The following CEP192 variants were observed in gnomAD, a reference collection of about 807,000 sequenced individuals.
CEP192 encodes the protein centrosomal protein 192.
Under a neutral mutation model 271.8 loss-of-function variants are expected in CEP192, and 151 were observed. The ratio of observed to expected loss-of-function variants is 0.56; its 90% confidence interval spans 0.49 to 0.64. The LOEUF is 0.64. Ranked by LOEUF, CEP192 falls within the 30% of genes least tolerant of loss-of-function variation. CEP192 has a pLI of 0.00. For missense variants in CEP192, 2,910 were observed against 3,020.5 expected, an observed-to-expected ratio of 0.96 and a Z score of 0.86; for synonymous variants, 995 against 1,076.5, an observed-to-expected ratio of 0.92 and a Z score of 1.48.
At chr18:13,063,268 A>G (rs1376898312) in intron 21 of CEP192, among the ~76,000 whole-genome samples, 4 of 152,138 alleles carry the variant, frequency 2.6e-5, no homozygotes, top group Non-Finnish European at 5.9e-5. Flanking sequence ...TAGCTCAATT[A>G]TTAGTTTTTT....
At chr18:13,022,492 C>G (rs2035049156) in intron 9 of CEP192, among the ~76,000 whole-genome samples, 1 of 152,062 alleles carries the variant, frequency 6.6e-6, no homozygotes, top group Non-Finnish European at 1.5e-5. Context: ...GCGATCCTCT[C>G]TCCTCAGCCT....
intron 15 of CEP192, among the ~76,000 whole-genome samples, 170 bp downstream of exon 15, chr18:13,042,504 A>T (rs2143833759): frequency 6.6e-6 from 1 of 152,260 alleles, no homozygotes; most frequent in African/African-American, 2.4e-5. Flanking sequence ...TTTTGTGGCG[A>T]TATAATATAC....
In CEP192 at chr18:13,059,294, C is replaced by T. The variant is rs138416749; in HGVS notation, c.4470C>T (p.Ala1490=). Reference sequence around the variant, plus strand: ...GCACCGTCACTCTCACTGCCATTGCCGAGAGTCCTGTTATTGAGGTACCTG... The same window carrying T: ...GCACCGTCACTCTCACTGCCATTGCTGAGAGTCCTGTTATTGAGGTACCTG... The part of the protein sequence containing the change: ...LASTVTLTAI[A]ESPVIEVETE... The change falls in exon 21 of 45, where the codon GCC becomes GCT. Residue 1490 remains alanine (A), a synonymous_variant. Coordinates refer to ENST00000506447, the MANE Select transcript of CEP192 (RefSeq NM_032142.4). 12 of 1,613,236 alleles carry T rather than the reference C, an allele frequency of 7.4e-6. No individual in the cohort carries two copies. The highest frequency in any genetic ancestry group is 4.0e-5 in the African/African-American group (3 of 75,008).
At chr18:13,072,645 A>G (rs561958920) in intron 28 of CEP192, 110 bp from the exon 29 acceptor site, 27 of 723,320 alleles carry the variant, frequency 3.7e-5, no homozygotes, top group Admixed American at 3.1e-4. Context: ...AATGGCTTGT[A>G]TAGTTAGTCC....
At chr18:13,098,603 C>T (rs1330568806) in intron 36 of CEP192, among the ~76,000 whole-genome samples, 1 of 151,770 alleles carries the variant, frequency 6.6e-6, no homozygotes, top group East Asian at 1.9e-4. Context: ...AGAGATGCTC[C>T]TCACTTCCTA....
chr18:13,062,774 A>G (rs1054548867), intron 21 of CEP192, among the ~76,000 whole-genome samples: 9 of 152,144 alleles, frequency 5.9e-5, no homozygotes, highest in African/African-American at 1.2e-4. Flanking sequence ...AAAATGCACA[A>G]TTATTATTGG....
At chr18:13,085,472 G>A (rs183316019) in intron 30 of CEP192, among the ~76,000 whole-genome samples, 182 of 152,270 alleles carry the variant, frequency 1.2e-3, no homozygotes, top group African/African-American at 4.3e-3. Context: ...CTTTGCCCAT[G>A]TCTGTGTCCT....
chr18:13,055,691 CTT>C (rs939382697), intron 18 of CEP192, 87 bp from the exon 19 acceptor site: 6 of 932,944 alleles, frequency 6.4e-6, no homozygotes, highest in Admixed American at 5.5e-5. Context: ...ATGCACATCT[CTT>C]TGTTACTTGA....
intron 30 of CEP192, among the ~76,000 whole-genome samples, chr18:13,081,129 G>GT (rs1312156322): frequency 6.6e-6 from 1 of 152,134 alleles, no homozygotes; most frequent in Non-Finnish European, 1.5e-5. Context: ...CCAGGCTTTG[G>GT]TATCAGGATG....
Position 13,049,510 on chromosome 18 carries a change from T to C in CEP192, c.2719T>C (p.Tyr907His). 6.2e-7 allele frequency: 1 copy of C among 1,614,114 alleles called. No homozygotes were observed. The highest frequency in any genetic ancestry group is 8.5e-7 in the Non-Finnish European group (1 of 1,180,016). Residue 907 changes from tyrosine to histidine, a missense_variant, in exon 16 of 45, where the codon TAT (tyrosine) becomes CAT (histidine). By Grantham distance (83) the Tyr-to-His change is moderately conservative. Transcript: ENST00000506447. ...CTCAATTTCCACTCCATCTGATAGTTATTCATCAGTGAGGAACCCCAGAAT... is the reference window on the plus strand; with the variant it reads ...CTCAATTTCCACTCCATCTGATAGTCATTCATCAGTGAGGAACCCCAGAAT... Reference protein sequence around the residue: ...ATSISTPSDSYSSVRNPRITS... With the variant: ...ATSISTPSDSHSSVRNPRITS...
At position 13,068,297 on chromosome 18, in the gene CEP192, C is replaced by T. The variant is rs1368113116; in HGVS notation, c.4758+60C>T. 5.0e-6 allele frequency: 8 copies of T among 1,601,160 alleles called. No individual in the cohort carries two copies. The African/African-American group carries it at 6.7e-5, about 13-fold the overall frequency. On this transcript the variant is annotated intron_variant, in intron 23 of 44. Transcript: ENST00000506447. Reference sequence around the variant, plus strand: ...TTAAGCTTCTAAACCTCTTTTCTTTCATTAAGATAGTAATATTAATACCAG... The same window carrying T: ...TTAAGCTTCTAAACCTCTTTTCTTTTATTAAGATAGTAATATTAATACCAG...
chr18:13,024,488 G>A, intron 9 of CEP192: 1 of 357,316 alleles, frequency 2.8e-6, no homozygotes, highest in South Asian at 2.2e-5. Flanking sequence ...TTTTGAGGTG[G>A]AGTCTTGCTC....
chr18:13,070,511 ACTT>A (rs2037955063), intron 27 of CEP192, among the ~76,000 whole-genome samples: 1 of 152,200 alleles, frequency 6.6e-6, no homozygotes, highest in Non-Finnish European at 1.5e-5. Context: ...CAAGCCCATG[ACTT>A]CTTGGCACCC....
intron 11 of CEP192, among the ~76,000 whole-genome samples, chr18:13,035,384 G>C (rs1290383291): frequency 6.6e-6 from 1 of 152,160 alleles, no homozygotes; most frequent in East Asian, 1.9e-4. Context: ...ATCATGGTGG[G>C]AGGCAAAAGG....
intron 1 of CEP192, among the ~76,000 whole-genome samples, chr18:12,996,022 A>T (rs2033207993): frequency 6.6e-6 from 1 of 152,204 alleles, no homozygotes; most frequent in Non-Finnish European, 1.5e-5. Context: ...TTTACTCTGA[A>T]TAAGATGGGG....
intron 11 of CEP192, among the ~76,000 whole-genome samples, chr18:13,032,981 G>T (rs1420474293): frequency 6.6e-6 from 1 of 152,222 alleles, no homozygotes; most frequent in Non-Finnish European, 1.5e-5. Context: ...TGCAGAGCCA[G>T]CCACAGGGCA....
At chr18:13,026,280 AT>A (rs1384283876) in intron 9 of CEP192, among the ~76,000 whole-genome samples, 5 of 151,332 alleles carry the variant, frequency 3.3e-5, no homozygotes, top group Non-Finnish European at 7.4e-5. Context: ...TTTCTTTAGG[AT>A]TTTTTCTTTA....
chr18:13,001,423 T>C (rs2033635976), intron 2 of CEP192, 34 bp from the exon 3 acceptor site: 2 of 1,434,254 alleles, frequency 1.4e-6, no homozygotes, highest in Non-Finnish European at 1.9e-6. Flanking sequence ...TGTAATTTAA[T>C]TCTTAACAAT....
rs1568418684 is a variant in CEP192, at chr18:13,100,325, T to C, written c.6684T>C (p.Ile2228=). Reference sequence around the variant, plus strand: ...TTCAGAAAATTGTGAAAGTTCAAATTCGAGAAGATTTAACTCAAGTGGAAC... The same window carrying C: ...TTCAGAAAATTGTGAAAGTTCAAATCCGAGAAGATTTAACTCAAGTGGAAC... The part of the protein sequence containing the change: ...DGQKKIVKVQ[I]REDLTQVELL... The change falls in exon 38 of 45, where the codon ATT becomes ATC. Residue 2228 remains isoleucine (I), a synonymous_variant. Coordinates refer to ENST00000506447, the MANE Select transcript of CEP192 (RefSeq NM_032142.4). 1 of 1,613,952 alleles carries C rather than the reference T, an allele frequency of 6.2e-7. No individual in the cohort carries two copies. The highest frequency in any genetic ancestry group is 8.5e-7 in the Non-Finnish European group (1 of 1,179,834).
Sources: gnomAD v4.1 joint callset for allele counts (sites outside exome capture counted in the v4.1 genomes callset) on GRCh38, gnomAD v4.1.1 for gene constraint, MANE v1.5 for transcripts, NCBI Gene and HGNC (gene_info 2026-07-23, HGNC 2026-07-21) for gene names.